PLA2G12A: variants seen among roughly 807,000 people sequenced by gnomAD.
PLA2G12A encodes the protein group XIIA secretory phospholipase A2.
In PLA2G12A, 11 loss-of-function variants were observed where a neutral mutation model predicts 16.0. The observed-to-expected ratio is 0.69, with a 90% CI of 0.43 to 1.13. The LOEUF (loss-of-function observed/expected upper bound fraction) is 1.13, where lower values mean the gene tolerates loss of function less well. Among genes scored for constraint, PLA2G12A ranks in the 50% most tolerant of loss-of-function variants. The probability of loss-of-function intolerance (pLI) is 0.00; values close to 1 mark genes in which losing one functional copy is unlikely to be tolerated. For missense variants in PLA2G12A, 214 were observed against 237.3 expected (o/e 0.90, Z 0.65); for synonymous variants, 77 against 93.8 (o/e 0.82, Z 1.03).
At chr4:109,729,560 C>A (rs768133421) in intron 1 of PLA2G12A, 42 bp downstream of exon 1, 1 of 1,585,212 alleles carries the variant, frequency 6.3e-7, no homozygotes, top group South Asian at 1.1e-5. Context: ...ACCCCAATCC[C>A]CCGAAAGCAC....
At chr4:109,715,700 C>G (rs997758072) in intron 3 of PLA2G12A, among the ~76,000 whole-genome samples, 4 of 152,152 alleles carry the variant, frequency 2.6e-5, no homozygotes, top group African/African-American at 9.7e-5. Context: ...CTCTCAAACT[C>G]CTGGGCTCAA....
chr4:109,717,556 T>A lies in PLA2G12A; in HGVS notation c.443A>T (p.His148Leu). 1 of 1,613,632 alleles carries A rather than the reference T, an allele frequency of 6.2e-7. No individual in the cohort carries two copies. Among genetic ancestry groups the A allele is most frequent in the Non-Finnish European group, 8.5e-7 (1 of 1,179,596 alleles). The change falls in exon 3 of 4, where the codon CAT (histidine) becomes CTT (leucine). Residue 148 changes from histidine (H) to leucine (L), a missense_variant. Coordinates refer to ENST00000243501, the MANE Select transcript of PLA2G12A (RefSeq NM_030821.5). The stretch of plus-strand genomic sequence containing the variant: ...CACCAGATCATCCTTACCCTGAACA[T>A]GCTGAGTTAGTCCTAGTGTTTTCTG... ...DVQKTLGLTQHVQACETTVEL... is the reference protein window; with the variant it reads ...DVQKTLGLTQLVQACETTVEL...
At chr4:109,716,053 T>C (rs1182808180) in intron 3 of PLA2G12A, among the ~76,000 whole-genome samples, 1 of 152,210 alleles carries the variant, frequency 6.6e-6, no homozygotes, top group Non-Finnish European at 1.5e-5. Context: ...GCTATGACTA[T>C]TAAATAGGAG....
intron 1 of PLA2G12A, among the ~76,000 whole-genome samples, chr4:109,724,511 C>T (rs1397902306): frequency 6.6e-6 from 1 of 151,966 alleles, no homozygotes; most frequent in Non-Finnish European, 1.5e-5. Flanking sequence ...TATCTAAATC[C>T]ATAGACTCTG....
intron 1 of PLA2G12A, among the ~76,000 whole-genome samples, chr4:109,719,215 A>G (rs1730877385): frequency 6.6e-6 from 1 of 152,172 alleles, no homozygotes; most frequent in Admixed American, 6.5e-5. Context: ...ACAAACCTCA[A>G]TAACCATTAA....
chr4:109,717,431 G>C, intron 3 of PLA2G12A, 117 bp downstream of exon 3: 1 of 1,116,514 alleles, frequency 9.0e-7, no homozygotes, highest in South Asian at 1.7e-5. Context: ...TGAAGTCTGT[G>C]TCACAATAGA....
At chr4:109,721,488 A>G (rs1364308616) in intron 1 of PLA2G12A, among the ~76,000 whole-genome samples, 1 of 151,860 alleles carries the variant, frequency 6.6e-6, no homozygotes, top group Non-Finnish European at 1.5e-5. Flanking sequence ...GGCCTGGCTA[A>G]TTTTTGTATT....
chr4:109,717,636 C>G lies in PLA2G12A; in HGVS notation c.363G>C (p.Lys121Asn). Residue 121 changes from lysine (K) to asparagine (N), a missense_variant, in exon 3 of 4, where the codon AAG (lysine) becomes AAC (asparagine). Lys to Asn is a moderately conservative substitution (Grantham distance 94, BLOSUM62 0). Coordinates refer to ENST00000243501, the MANE Select transcript of PLA2G12A (RefSeq NM_030821.5). The part of the protein sequence containing the change: ...DRCYETCGKS[K>N]NDCDEEFQYC... ...ACTGGAATTCTTCATCACAGTCATT[C>G]TTGCTTTTGCCACAGGTCTCATAGC... The G allele has an allele frequency of 6.2e-7, 1 of 1,613,766 alleles. No individual in the cohort carries two copies. The highest frequency in any genetic ancestry group is 1.1e-5 in the South Asian group (1 of 91,064).
At chr4:109,725,316 A>G (rs2126168574) in intron 1 of PLA2G12A, among the ~76,000 whole-genome samples, 1 of 152,378 alleles carries the variant, frequency 6.6e-6, no homozygotes, top group South Asian at 2.1e-4. Context: ...TTATTTCTGA[A>G]CAAGGCAAGT....
chr4:109,724,148 T>G lies in PLA2G12A; in HGVS notation c.209-5389A>C, dbSNP rs547628175. Among the ~76,000 whole-genome samples the G allele has an allele frequency of 4.6e-5, 7 of 152,282 alleles. No individual in the cohort carries two copies. The South Asian group carries it at 1.5e-3, about 32-fold the overall frequency. On this transcript the variant is annotated intron_variant, in intron 1 of 3. Coordinates refer to ENST00000243501, the MANE Select transcript of PLA2G12A (RefSeq NM_030821.5). ...TTGTTTGTTTGTTTTTTTCTGAGAC[T>G]GAGTTTTGCTCTTGTTGCCCAGGCT...
Position 109,719,099 on chromosome 4 carries a change from C to T in PLA2G12A, c.209-340G>A, listed in dbSNP as rs1191343338. 2.6e-5 allele frequency among the ~76,000 whole-genome samples: 4 copies of T among 152,172 alleles called. No individual in the cohort carries two copies. The East Asian group carries it at 7.7e-4, about 29-fold the overall frequency. ...CAGAGGTCACTTGCCAGATAGGGTT[C>T]ATATGTATGAAAGATAAATCCACCC... On this transcript the variant is annotated intron_variant, in intron 1 of 3. Transcript: ENST00000243501.
chr4:109,722,014 C>T (rs552302658), intron 1 of PLA2G12A, among the ~76,000 whole-genome samples: 1 of 152,150 alleles, frequency 6.6e-6, no homozygotes, highest in Non-Finnish European at 1.5e-5. Flanking sequence ...TCCACACCAA[C>T]CCCCATAATC....
At chr4:109,718,879 C>T in intron 1 of PLA2G12A, 120 bp from the exon 2 acceptor site, 1 of 646,750 alleles carries the variant, frequency 1.5e-6, no homozygotes, top group South Asian at 2.2e-5. Context: ...TGGATGCTAA[C>T]ATAAGTGCAT....
At chr4:109,721,566 C>T (rs140442725) in intron 1 of PLA2G12A, among the ~76,000 whole-genome samples, 47 of 152,178 alleles carry the variant, frequency 3.1e-4, no homozygotes, top group African/African-American at 1.0e-3. Context: ...GTGATCCACC[C>T]GCCTCGGCCT....
chr4:109,720,610 T>A (rs1284337769), intron 1 of PLA2G12A, among the ~76,000 whole-genome samples: 222 of 18,580 alleles, frequency 0.012, 1 homozygote, highest in Non-Finnish European at 0.016. Flanking sequence ...AAAAAATATA[T>A]ATATATATAT....
In PLA2G12A at chr4:109,712,790, C is replaced by G. The variant is rs1177803702; in HGVS notation, c.*1587G>C. The G allele has an allele frequency of 1.3e-5, 2 of 152,132 alleles. No homozygotes were observed. The highest frequency in any genetic ancestry group is 2.9e-5 in the Non-Finnish European group (2 of 68,032). 9.4% of individuals were successfully genotyped at this position (152,132 alleles called of 1,614,324 possible). Reference sequence around the variant, plus strand: ...GGATTATAGGTGTGAGCCACTGTGCCCAGCCGATAAGCATTAATTATTAAT... The same window carrying G: ...GGATTATAGGTGTGAGCCACTGTGCGCAGCCGATAAGCATTAATTATTAAT... On this transcript the variant is annotated 3_prime_UTR_variant, in exon 4 of 4. Transcript: ENST00000243501.
Position 109,710,517 on chromosome 4 carries a change from G to A in PLA2G12A, c.*3860C>T, listed in dbSNP as rs949741018. ...GTCTTATTCTGACGCCTATGCTGGA[G>A]TGCAGCAGTGCAATCTCAGCTCACT... On this transcript the variant is annotated 3_prime_UTR_variant, in exon 4 of 4. Coordinates refer to ENST00000243501, the MANE Select transcript of PLA2G12A (RefSeq NM_030821.5). 6.6e-6 allele frequency: 1 copy of A among 152,194 alleles called. No homozygotes were observed. The highest frequency in any genetic ancestry group is 1.5e-5 in the Non-Finnish European group (1 of 68,048). 9.4% of individuals were successfully genotyped at this position (152,194 alleles called of 1,614,324 possible).
chr4:109,716,990 G>T (rs1490437081), intron 3 of PLA2G12A, among the ~76,000 whole-genome samples: 2 of 152,208 alleles, frequency 1.3e-5, no homozygotes, highest in Non-Finnish European at 2.9e-5. Context: ...GATGGTAAAT[G>T]TGATTAGTGC....
intron 1 of PLA2G12A, among the ~76,000 whole-genome samples, chr4:109,725,653 T>C (rs1490929214): frequency 6.6e-6 from 1 of 152,236 alleles, no homozygotes. Context: ...CTTCTCTTGA[T>C]TGTTTATCAT....
Sources: allele counts gnomAD v4.1 joint callset (sites outside exome capture counted in the v4.1 genomes callset), GRCh38; gene constraint gnomAD v4.1.1; transcripts MANE v1.5; gene names NCBI Gene and HGNC (gene_info 2026-07-23, HGNC 2026-07-21).